The following GRID2 variants were observed in gnomAD, a reference collection of about 807,000 sequenced individuals.
GRID2 encodes the protein glutamate receptor ionotropic, delta-2.
GRID2 carries 33 observed loss-of-function variants against 114.8 expected under a neutral mutation model. That is an observed-to-expected ratio of 0.29 (90% confidence interval 0.22 to 0.38). The LOEUF (loss-of-function observed/expected upper bound fraction) is 0.38. GRID2 is among the 10% of genes least tolerant of loss of function. The pLI is 1.00. For synonymous variants in GRID2, 505 were observed against 449.9 expected, an observed-to-expected ratio of 1.12 and a Z score of -1.55; for missense variants, 1,184 against 1,257.7, an observed-to-expected ratio of 0.94 and a Z score of 0.89.
At chr4:93,488,846 C>G (rs535343971) in intron 11 of GRID2, among the ~76,000 whole-genome samples, 24 of 152,052 alleles carry the variant, frequency 1.6e-4, no homozygotes, top group Admixed American at 7.2e-4. Flanking sequence ...CCTGGTGTCT[C>G]TTCCTTTTCT....
At chr4:92,597,090 A>G (rs532102459) in intron 2 of GRID2, among the ~76,000 whole-genome samples, 1 of 151,928 alleles carries the variant, frequency 6.6e-6, no homozygotes, top group Admixed American at 6.6e-5. Context: ...TACCAAATTT[A>G]TTTATTTTTA....
chr4:93,685,961 A>C (rs1456882927), intron 14 of GRID2, among the ~76,000 whole-genome samples: 2 of 152,094 alleles, frequency 1.3e-5, no homozygotes, highest in African/African-American at 4.8e-5. Context: ...GTCTGACATA[A>C]GTTAGTGTTC....
At position 93,757,574 on chromosome 4, in the gene GRID2, G is replaced by A. The variant is rs1195156048; in HGVS notation, c.2361-11636G>A. Among the ~76,000 whole-genome samples, 12 of 152,190 alleles carry A rather than the reference G, an allele frequency of 7.9e-5. No individual in the cohort carries two copies. In the South Asian group the frequency reaches 8.3e-4, roughly 11 times the overall value. Reference sequence around the variant, plus strand: ...GCCTTCTCTTGTGCTGCCCCATTCCGGGCATGTGACCACCCTGCAGTGGAA... The same window carrying A: ...GCCTTCTCTTGTGCTGCCCCATTCCAGGCATGTGACCACCCTGCAGTGGAA... On this transcript the variant is annotated intron_variant, in intron 14 of 15. Transcript: ENST00000282020.
intron 8 of GRID2, among the ~76,000 whole-genome samples, chr4:93,239,984 C>T (rs1175840601): frequency 6.6e-6 from 1 of 151,560 alleles, no homozygotes; most frequent in African/African-American, 2.4e-5. Context: ...CATGGAGTGG[C>T]AGTTTATTCA....
chr4:92,920,892 T>C (rs1023911808), intron 2 of GRID2, among the ~76,000 whole-genome samples: 4 of 152,150 alleles, frequency 2.6e-5, no homozygotes, highest in Non-Finnish European at 4.4e-5. Context: ...TGAATGTTGG[T>C]CTGCCTTGCT....
intron 11 of GRID2, among the ~76,000 whole-genome samples, chr4:93,462,078 A>C (rs1259419097): frequency 6.6e-6 from 1 of 152,168 alleles, no homozygotes; most frequent in African/African-American, 2.4e-5. Context: ...AAGCAACCAC[A>C]TATATGTTTA....
Position 92,596,235 on chromosome 4 carries a change from T to TTCAC in GRID2, c.244+5952_244+5953insCTCA, listed in dbSNP as rs1172394748. 3.3e-5 allele frequency among the ~76,000 whole-genome samples: 5 copies of TTCAC among 152,166 alleles called. 1 individual carries two copies. The highest frequency in any genetic ancestry group is 1.2e-4 in the African/African-American group (5 of 41,536). Reference sequence around the variant, plus strand: ...GGGTATGATTCTATTCATTCATTCATTCATTCATTCATTCATCCATTCGTT... The same window carrying TTCAC: ...GGGTATGATTCTATTCATTCATTCATTCACTCATTCATTCATTCATCCATTCGTT... On this transcript the variant is annotated intron_variant, in intron 2 of 15. Coordinates refer to ENST00000282020, the MANE Select transcript of GRID2 (RefSeq NM_001510.4).
chr4:93,206,591 T>TACACACACACACACACAC (rs5860312), intron 4 of GRID2, among the ~76,000 whole-genome samples: 18 of 142,960 alleles, frequency 1.3e-4, no homozygotes, highest in African/African-American at 3.6e-4. Context: ...CTGCCCCTAC[T>TACACACACACACACACAC]ACACACACAC....
intron 11 of GRID2, among the ~76,000 whole-genome samples, chr4:93,458,902 G>A (rs1197483527): frequency 6.6e-6 from 1 of 152,006 alleles, no homozygotes; most frequent in African/African-American, 2.4e-5. Context: ...GAAATTGATA[G>A]AGTAGGCCTG....
At chr4:92,607,486 G>A (rs556580047) in intron 2 of GRID2, among the ~76,000 whole-genome samples, 9 of 151,900 alleles carry the variant, frequency 5.9e-5, no homozygotes, top group East Asian at 5.8e-4. Context: ...GGGAAGAACC[G>A]CAAGTTACTG....
intron 2 of GRID2, among the ~76,000 whole-genome samples, chr4:92,813,937 A>G (rs570642215): frequency 6.6e-6 from 1 of 152,102 alleles, no homozygotes; most frequent in Admixed American, 6.6e-5. Context: ...TTACCCTGCC[A>G]GTTCTCTGTT....
chr4:92,902,360 G>A (rs191627398), intron 2 of GRID2, among the ~76,000 whole-genome samples: 32 of 152,036 alleles, frequency 2.1e-4, no homozygotes, highest in South Asian at 8.3e-4. Flanking sequence ...GTAGCTAGTG[G>A]TCTATCAGTT....
At chr4:92,995,930 T>C (rs1755169614) in intron 2 of GRID2, among the ~76,000 whole-genome samples, 1 of 152,168 alleles carries the variant, frequency 6.6e-6, no homozygotes, top group Non-Finnish European at 1.5e-5. Context: ...TAATGACACC[T>C]GTCATGATTT....
intron 4 of GRID2, among the ~76,000 whole-genome samples, chr4:93,126,902 G>A (rs1470427343): frequency 6.6e-6 from 1 of 152,026 alleles, no homozygotes; most frequent in African/African-American, 2.4e-5. Context: ...ATTTAATTCT[G>A]AAACAGTAAA....
intron 2 of GRID2, among the ~76,000 whole-genome samples, chr4:93,016,057 G>A (rs995960606): frequency 8.8e-5 from 10 of 113,022 alleles, no homozygotes; most frequent in Admixed American, 2.0e-4. Flanking sequence ...GGAAGTGTGT[G>A]TGTGAGTGTG....
At chr4:92,849,544 T>C (rs1227140651) in intron 2 of GRID2, among the ~76,000 whole-genome samples, 1 of 151,908 alleles carries the variant, frequency 6.6e-6, no homozygotes, top group Non-Finnish European at 1.5e-5. Flanking sequence ...ATTTAAACAG[T>C]TGTGCTTTTC....
chr4:93,787,791 G>A (rs956156602), intron 1 of GRID2, among the ~76,000 whole-genome samples: 3 of 152,178 alleles, frequency 2.0e-5, no homozygotes, highest in East Asian at 3.9e-4. Context: ...ATTATGGTGC[G>A]GTCAAGTTCA....
chr4:93,696,948 A>G (rs1727074193), intron 14 of GRID2, among the ~76,000 whole-genome samples: 1 of 152,190 alleles, frequency 6.6e-6, no homozygotes, highest in Non-Finnish European at 1.5e-5. Context: ...ATATTCAACA[A>G]TGGATTTTTG....
chr4:93,490,611 C>G, intron 11 of GRID2, 28 bp from the exon 12 acceptor site: 1 of 1,567,884 alleles, frequency 6.4e-7, no homozygotes, highest in Non-Finnish European at 8.7e-7. Flanking sequence ...AGTTGATGTT[C>G]TTTTTATCTC....
Sources: allele counts gnomAD v4.1 joint callset (sites outside exome capture counted in the v4.1 genomes callset), GRCh38; gene constraint gnomAD v4.1.1; transcripts MANE v1.5; gene names NCBI Gene and HGNC (gene_info 2026-07-23, HGNC 2026-07-21).